Variants in HDAC9 observed in about 807,000 individuals in gnomAD.
HDAC9 encodes the protein MEF-2 interacting transcription repressor (MITR) protein.
In HDAC9, 41 loss-of-function variants were observed where a neutral mutation model predicts 139.4. That is an observed-to-expected ratio of 0.29 (90% CI 0.23 to 0.38). HDAC9 has a LOEUF of 0.38. Ranked by LOEUF, HDAC9 falls within the 10% of genes least tolerant of loss-of-function variation. The pLI is 1.00. For missense variants in HDAC9, 1,147 were observed against 1,297.0 expected (o/e 0.88, Z 1.78); for synonymous variants, 517 against 476.2 (o/e 1.09, Z -1.12).
intron 1 of HDAC9, among the ~76,000 whole-genome samples, chr7:18,456,386 C>T (rs190707470): frequency 1.6e-4 from 24 of 152,198 alleles, no homozygotes; most frequent in Admixed American, 1.4e-3. Context: ...CAGGCACATG[C>T]CACCATGCCT....
chr7:18,220,010 C>A (rs1025776681), intron 2 of HDAC9, among the ~76,000 whole-genome samples: 61 of 152,208 alleles, frequency 4.0e-4, no homozygotes, highest in African/African-American at 1.4e-3. Flanking sequence ...AGATTATTTT[C>A]AAAACTAAGT....
At chr7:18,556,866 G>C (rs1818973332) in intron 2 of HDAC9, among the ~76,000 whole-genome samples, 1 of 151,762 alleles carries the variant, frequency 6.6e-6, no homozygotes, top group African/African-American at 2.4e-5. Flanking sequence ...TTTTGAGTTG[G>C]GTAAATAATT....
At chr7:18,968,842 C>A (rs916358943) in intron 24 of HDAC9, among the ~76,000 whole-genome samples, 1 of 150,998 alleles carries the variant, frequency 6.6e-6, no homozygotes, top group African/African-American at 2.4e-5. Context: ...GCCTGTAGTC[C>A]CAGCTACTCA....
intron 1 of HDAC9, among the ~76,000 whole-genome samples, chr7:18,459,420 T>TAA (rs1793640834): frequency 1.3e-5 from 2 of 152,172 alleles, no homozygotes; most frequent in Non-Finnish European, 2.9e-5. Context: ...GGTGAGTAAA[T>TAA]AAATAGCATT....
chr7:18,902,548 CA>C (rs751238699), intron 22 of HDAC9, among the ~76,000 whole-genome samples: 9 of 152,142 alleles, frequency 5.9e-5, no homozygotes, highest in Non-Finnish European at 1.2e-4. Context: ...GAAGATAAAG[CA>C]GTTTTGAGAA....
chr7:18,249,666 T>G (rs572881117), intron 2 of HDAC9, among the ~76,000 whole-genome samples: 94 of 152,214 alleles, frequency 6.2e-4, no homozygotes, highest in African/African-American at 2.2e-3. Flanking sequence ...ACCCCCAAAT[T>G]AACTCTTTCT....
intron 12 of HDAC9, among the ~76,000 whole-genome samples, chr7:18,719,354 T>TTTTTTC: frequency 7.1e-6 from 1 of 141,072 alleles, no homozygotes; most frequent in South Asian, 2.2e-4. Context: ...TTTTTTTTTT[T>TTTTTTC]TTTGAGATGG....
chr7:18,673,987 G>C (rs11505303), intron 12 of HDAC9, among the ~76,000 whole-genome samples: 16,041 of 151,982 alleles, frequency 0.11, 2,455 homozygotes, highest in African/African-American at 0.34. Flanking sequence ...GTAAATTCAT[G>C]CATAATGTGT....
chr7:18,412,943 A>T (rs937566495), intron 1 of HDAC9, among the ~76,000 whole-genome samples: 2 of 152,238 alleles, frequency 1.3e-5, no homozygotes, highest in African/African-American at 4.8e-5. Flanking sequence ...GTGGAATATG[A>T]AACAATTCAA....
At chr7:18,524,492 A>C (rs1806155217) in intron 2 of HDAC9, among the ~76,000 whole-genome samples, 1 of 152,160 alleles carries the variant, frequency 6.6e-6, no homozygotes, top group Admixed American at 6.5e-5. Context: ...CCACGTAAAG[A>C]CAATCATACA....
intron 1 of HDAC9, 72 bp downstream of exon 1, chr7:18,496,095 G>C: frequency 7.1e-7 from 1 of 1,412,440 alleles, no homozygotes; most frequent in South Asian, 1.4e-5. Flanking sequence ...GGAAATCATT[G>C]TCGAAGTTGA....
intron 21 of HDAC9, among the ~76,000 whole-genome samples, chr7:18,871,308 A>G (rs1215862304): frequency 6.6e-6 from 1 of 152,160 alleles, no homozygotes; most frequent in Non-Finnish European, 1.5e-5. Flanking sequence ...AAGATATTCC[A>G]GAGTCATGTA....
intron 8 of HDAC9, among the ~76,000 whole-genome samples, chr7:18,641,981 C>T (rs1056814098): frequency 6.6e-6 from 1 of 152,076 alleles, no homozygotes; most frequent in African/African-American, 2.4e-5. Context: ...GAAAATAATT[C>T]AAGGGAAATG....
intron 6 of HDAC9, 46 bp from the exon 7 acceptor site, chr7:18,629,303 AT>A: frequency 6.8e-7 from 1 of 1,475,050 alleles, no homozygotes. Context: ...TTGGCTCTCT[AT>A]TTTTTTAATT....
At chr7:18,141,105 G>A (rs1433725188) in intron 1 of HDAC9, among the ~76,000 whole-genome samples, 20 of 152,094 alleles carry the variant, frequency 1.3e-4, no homozygotes, top group African/African-American at 9.7e-5. Flanking sequence ...TGAACTGAGG[G>A]CCCTGCTGAA....
chr7:18,314,202 G>A (rs1326556683), intron 1 of HDAC9, among the ~76,000 whole-genome samples: 1 of 152,196 alleles, frequency 6.6e-6, no homozygotes, highest in African/African-American at 2.4e-5. Context: ...GGAGGGATAT[G>A]TGGGTGAGGA....
chr7:18,405,057 C>G (rs1787883973), intron 1 of HDAC9, among the ~76,000 whole-genome samples: 1 of 152,124 alleles, frequency 6.6e-6, no homozygotes. Flanking sequence ...GCTGTGGGAG[C>G]AAACAGGAGG....
At chr7:18,155,265 A>G (rs1787104346) in intron 1 of HDAC9, among the ~76,000 whole-genome samples, 1 of 152,110 alleles carries the variant, frequency 6.6e-6, no homozygotes, top group Non-Finnish European at 1.5e-5. Flanking sequence ...ATGATCCAAT[A>G]AAAATCAGTG....
Position 18,133,932 on chromosome 7 carries a change from G to GCACACACA in HDAC9, c.-96-28278_-96-28271dup, listed in dbSNP as rs112343375. Among the ~76,000 whole-genome samples, 947 of 145,898 alleles carry GCACACACA rather than the reference G, an allele frequency of 6.5e-3. 6 individuals are homozygous for GCACACACA. The highest frequency in any genetic ancestry group is 0.022 in the African/African-American group (858 of 39,106). On this transcript the variant is annotated intron_variant, in intron 1 of 12. Coordinates refer to the HDAC9 transcript ENST00000417496. The stretch of plus-strand genomic sequence containing the variant: ...TATCTGTGTGTGAATATACACGCGT[G>GCACACACA]CACACACACACACACACACACACAC...
Sources: gnomAD v4.1 joint callset for allele counts (sites outside exome capture counted in the v4.1 genomes callset) on GRCh38, gnomAD v4.1.1 for gene constraint, MANE v1.5 for transcripts, NCBI Gene and HGNC (gene_info 2026-07-23, HGNC 2026-07-21) for gene names.